GALNT1: variants seen among roughly 807,000 people sequenced by gnomAD.
GALNT1 encodes the protein GalNAc transferase 1.
A neutral mutation model predicts 65.7 loss-of-function variants in GALNT1; 17 were observed. The ratio of observed to expected loss-of-function variants is 0.26; its 90% CI spans 0.18 to 0.39. The LOEUF (loss-of-function observed/expected upper bound fraction) is 0.39. Ranked by LOEUF, GALNT1 falls within the 10% of genes least tolerant of loss-of-function variation. The pLI, the probability that GALNT1 is intolerant of heterozygous loss-of-function variation, is 1.00. For missense variants in GALNT1, 460 were observed against 672.8 expected (o/e 0.68, Z 3.50); for synonymous variants, 210 against 219.7 (o/e 0.96, Z 0.39).
rs564597809 is a variant in GALNT1, at chr18:35,657,536, C to A, written c.139+2735C>A. 3.3e-5 allele frequency among the ~76,000 whole-genome samples: 5 copies of A among 152,270 alleles called. No individual in the cohort carries two copies. The East Asian group carries it at 9.7e-4, about 29-fold the overall frequency. On this transcript the variant is annotated intron_variant, in intron 2 of 11. Transcript: ENST00000269195. ...TATGTGTAGAGTTGGAAGACACAGA[C>A]TCCCTGTTGGAGAGCCCCTCCTGGA...
intron 1 of GALNT1, among the ~76,000 whole-genome samples, chr18:35,639,922 G>A (rs7233144): frequency 0.024 from 3,672 of 152,034 alleles, 131 homozygotes; most frequent in African/African-American, 0.081. Context: ...TCAGCCTCCC[G>A]AGTAGCTGGG....
chr18:35,658,935 C>A (rs1317618765), intron 2 of GALNT1, among the ~76,000 whole-genome samples: 1 of 152,088 alleles, frequency 6.6e-6, no homozygotes, highest in East Asian at 1.9e-4. Flanking sequence ...GTCTCAAACT[C>A]CTGACCTCAG....
At chr18:35,659,587 G>A (rs1319146682) in intron 2 of GALNT1, among the ~76,000 whole-genome samples, 1 of 152,100 alleles carries the variant, frequency 6.6e-6, no homozygotes, top group Non-Finnish European at 1.5e-5. Flanking sequence ...GGATTTGGGT[G>A]TTATATAGAG....
chr18:35,616,835 T>C (rs1189276089), intron 1 of GALNT1, among the ~76,000 whole-genome samples: 1 of 152,116 alleles, frequency 6.6e-6, no homozygotes, highest in African/African-American at 2.4e-5. Flanking sequence ...AGTCCTCTAG[T>C]ATGGTCCACC....
intron 3 of GALNT1, among the ~76,000 whole-genome samples, chr18:35,671,340 C>G (rs1791791025): frequency 6.6e-6 from 1 of 152,140 alleles, no homozygotes. Context: ...CCTCAGCCTC[C>G]CGAGTAACAA....
intron 1 of GALNT1, among the ~76,000 whole-genome samples, chr18:35,628,225 C>T (rs1014297167): frequency 6.6e-6 from 1 of 152,196 alleles, no homozygotes; most frequent in Admixed American, 6.5e-5. Flanking sequence ...AGTAGTGTTT[C>T]TCCCAGCATG....
At chr18:35,601,328 TC>T (rs1417078931) in intron 1 of GALNT1, among the ~76,000 whole-genome samples, 1 of 152,086 alleles carries the variant, frequency 6.6e-6, no homozygotes, top group Non-Finnish European at 1.5e-5. Context: ...GTAGGTCCTC[TC>T]CCTTTTTTGC....
chr18:35,600,347 T>C (rs901764318), intron 1 of GALNT1, among the ~76,000 whole-genome samples: 2 of 152,188 alleles, frequency 1.3e-5, no homozygotes, highest in Non-Finnish European at 2.9e-5. Flanking sequence ...TGTGTATTAA[T>C]GTTAGTGATT....
At chr18:35,683,347 C>T (rs762826915) in intron 4 of GALNT1, 44 bp from the exon 5 acceptor site, 7 of 1,489,408 alleles carry the variant, frequency 4.7e-6, no homozygotes, top group Middle Eastern at 2.0e-4. Context: ...CTGAATAGTG[C>T]CAGGCCACAC....
At chr18:35,605,862 C>T (rs994174240) in intron 1 of GALNT1, among the ~76,000 whole-genome samples, 1 of 152,086 alleles carries the variant, frequency 6.6e-6, no homozygotes, top group African/African-American at 2.4e-5. Context: ...TTTCAGTTGC[C>T]TGCATGTTTG....
rs535455091 is a variant in GALNT1, at chr18:35,585,458, T to G, written c.-104+3596T>G. 3.3e-5 allele frequency among the ~76,000 whole-genome samples: 5 copies of G among 152,348 alleles called. No individual in the cohort carries two copies. The South Asian group carries it at 8.3e-4, about 25-fold the overall frequency. ...GTAGGGATAACAGTTTACATTTATATCTGTGTGTCCTCATTTAGTCCTCAG... is the reference window on the plus strand; with the variant it reads ...GTAGGGATAACAGTTTACATTTATAGCTGTGTGTCCTCATTTAGTCCTCAG... On this transcript the variant is annotated intron_variant, in intron 1 of 11. Coordinates refer to ENST00000269195, the MANE Select transcript of GALNT1 (RefSeq NM_020474.4).
chr18:35,654,076 G>A (rs949852850), intron 1 of GALNT1, among the ~76,000 whole-genome samples: 7 of 152,148 alleles, frequency 4.6e-5, no homozygotes, highest in African/African-American at 1.7e-4. Context: ...AAATGCACTG[G>A]GAATCACTAG....
intron 1 of GALNT1, among the ~76,000 whole-genome samples, chr18:35,653,530 ACT>A (rs2047336940): frequency 4.0e-5 from 6 of 151,736 alleles, no homozygotes; most frequent in Admixed American, 3.3e-4. Context: ...CACAGTGCAG[ACT>A]CTGTTTCCTC....
Position 35,612,937 on chromosome 18 carries a change from T to C in GALNT1, c.-104+31075T>C, listed in dbSNP as rs146137553. 6.0e-3 allele frequency among the ~76,000 whole-genome samples: 915 copies of C among 152,202 alleles called. 4 individuals are homozygous for C. The highest frequency in any genetic ancestry group is 0.01 in the Non-Finnish European group (700 of 67,986). Reference sequence around the variant, plus strand: ...GGAGAGGAGGAAAGTACCCATAGTTTCTTAAAATTTTATGTTTAAAAAAAT... The same window carrying C: ...GGAGAGGAGGAAAGTACCCATAGTTCCTTAAAATTTTATGTTTAAAAAAAT... On this transcript the variant is annotated intron_variant, in intron 1 of 11. Coordinates refer to ENST00000269195, the MANE Select transcript of GALNT1 (RefSeq NM_020474.4).
At chr18:35,626,646 A>G (rs983676442) in intron 1 of GALNT1, among the ~76,000 whole-genome samples, 1 of 152,198 alleles carries the variant, frequency 6.6e-6, no homozygotes, top group African/African-American at 2.4e-5. Context: ...CAAGAAGTTC[A>G]GACATTGGGA....
chr18:35,581,683 G>C (rs1401831719), upstream of GALNT1: 3 of 1,230 alleles, frequency 2.4e-3, no homozygotes, highest in African/African-American at 0.01. Context: ...AGGCGGGGGC[G>C]GGCGCGGCGG....
rs2048332100 is a variant in GALNT1 at position 35,710,231 on chromosome 18, A to T, written c.*461A>T. 6.5e-6 allele frequency: 1 copy of T among 153,564 alleles called. No homozygotes were observed. The highest frequency in any genetic ancestry group is 2.0e-4 in the South Asian group (1 of 4,912). The allele number at this position is 153,564 out of a possible 1,614,324, so 9.5% of individuals were successfully genotyped here. On this transcript the variant is annotated 3_prime_UTR_variant, in exon 12 of 12. Coordinates refer to ENST00000269195, the MANE Select transcript of GALNT1 (RefSeq NM_020474.4). Reference sequence around the variant, plus strand: ...ATTGATATAAAAATAAAAGAACTGGAACCAGATTCAGAATCATGAAAACAA... The same window carrying T: ...ATTGATATAAAAATAAAAGAACTGGTACCAGATTCAGAATCATGAAAACAA...
intron 1 of GALNT1, among the ~76,000 whole-genome samples, chr18:35,601,182 T>C (rs1018708735): frequency 1.3e-5 from 2 of 152,088 alleles, no homozygotes; most frequent in East Asian, 1.9e-4. Flanking sequence ...ATGGGTCTTA[T>C]GTGTTCAGGA....
chr18:35,679,168 C>G (rs944786786), intron 4 of GALNT1, among the ~76,000 whole-genome samples: 1 of 152,112 alleles, frequency 6.6e-6, no homozygotes, highest in Non-Finnish European at 1.5e-5. Context: ...GACTTAATCC[C>G]TCTGTAAGAA....
Sources: allele counts gnomAD v4.1 joint callset (sites outside exome capture counted in the v4.1 genomes callset), GRCh38; gene constraint gnomAD v4.1.1; transcripts MANE v1.5; gene names NCBI Gene and HGNC (gene_info 2026-07-23, HGNC 2026-07-21).